Variants in GPC4 observed in about 807,000 individuals in gnomAD.
GPC4 encodes glypican-4.
In GPC4, 10 loss-of-function variants were observed where a neutral mutation model predicts 35.0. The observed-to-expected ratio is 0.29, with a 90% confidence interval of 0.18 to 0.48. The LOEUF (loss-of-function observed/expected upper bound fraction) is 0.48. Among genes scored for constraint, GPC4 ranks in the 20% least tolerant of loss-of-function variants. GPC4 has a pLI of 0.99. For missense variants in GPC4, 322 were observed against 451.3 expected (o/e 0.71, Z 2.60); for synonymous variants, 167 against 170.2 (o/e 0.98, Z 0.15).
At chrX:133,324,011 G>A (rs2124120308) in intron 3 of GPC4, 134 bp downstream of exon 3, 1 of 582,321 alleles carries the variant, frequency 1.7e-6, no homozygotes, top group Non-Finnish European at 2.6e-6. Context: ...GGAGAGAAGA[G>A]GTAAGAGAGG....
At chrX:133,404,932 A>G (rs1251557135) in intron 1 of GPC4, among the ~76,000 whole-genome samples, 2 of 109,558 alleles carry the variant, frequency 1.8e-5, no homozygotes, top group African/African-American at 3.3e-5. Context: ...AATTAATAAT[A>G]TACAATTTTT....
chrX:133,365,716 A>G (rs1384369968), intron 1 of GPC4, among the ~76,000 whole-genome samples: 1 of 112,575 alleles, frequency 8.9e-6, no homozygotes, highest in Non-Finnish European at 1.9e-5. Context: ...TATTAAAGAT[A>G]TAAAAGTTAG....
chrX:133,348,299 T>C (rs1179127045), intron 1 of GPC4, among the ~76,000 whole-genome samples: 3 of 112,572 alleles, frequency 2.7e-5, no homozygotes, highest in Non-Finnish European at 5.6e-5. Context: ...ATGCACACTT[T>C]GACCTTGTGT....
intron 1 of GPC4, among the ~76,000 whole-genome samples, chrX:133,347,250 T>TTTG (rs1222492218): frequency 0.021 from 1,585 of 75,606 alleles, 36 homozygotes; most frequent in Non-Finnish European, 0.03. Context: ...TATTAGAAGT[T>TTTG]TTTTTTTTTT....
At chrX:133,336,814 A>G (rs982069866) in intron 2 of GPC4, among the ~76,000 whole-genome samples, 1 of 108,755 alleles carries the variant, frequency 9.2e-6, no homozygotes, top group Admixed American at 9.9e-5. Context: ...ATGTTATATT[A>G]TATTATTTTA....
At chrX:133,365,135 G>GT (rs2068584527) in intron 1 of GPC4, among the ~76,000 whole-genome samples, 2 of 110,927 alleles carry the variant, frequency 1.8e-5, no homozygotes, top group Non-Finnish European at 3.8e-5. Context: ...AGCCAAGTAA[G>GT]TTTTTTTTGT....
At chrX:133,394,194 C>T (rs1470848439) in intron 1 of GPC4, among the ~76,000 whole-genome samples, 2 of 109,675 alleles carry the variant, frequency 1.8e-5, no homozygotes, top group African/African-American at 6.6e-5. Flanking sequence ...TCGCTTGAAT[C>T]GGGAGGTGGA....
At chrX:133,316,750 A>G (rs921095589) in intron 3 of GPC4, among the ~76,000 whole-genome samples, 4 of 111,805 alleles carry the variant, frequency 3.6e-5, no homozygotes, top group Non-Finnish European at 7.5e-5. Context: ...GAAAAATGAT[A>G]TGAATATATG....
chrX:133,330,725 A>G (rs1381787789), intron 2 of GPC4, among the ~76,000 whole-genome samples: 3 of 110,346 alleles, frequency 2.7e-5, no homozygotes, highest in African/African-American at 9.9e-5. Flanking sequence ...AGGCGGGAGG[A>G]CTGCTTGAAG....
At chrX:133,378,370 A>T (rs1363740561) in intron 1 of GPC4, among the ~76,000 whole-genome samples, 1 of 109,969 alleles carries the variant, frequency 9.1e-6, no homozygotes, top group Non-Finnish European at 1.9e-5. Context: ...GATCAAGACC[A>T]TCCTGGCTAA....
chrX:133,387,819 G>A (rs1356722622), intron 1 of GPC4, among the ~76,000 whole-genome samples: 1 of 111,709 alleles, frequency 9.0e-6, no homozygotes, highest in African/African-American at 3.3e-5. Flanking sequence ...CCTAACTCTA[G>A]TGCAGCACCG....
intron 1 of GPC4, among the ~76,000 whole-genome samples, chrX:133,404,715 C>T (rs1376725978): frequency 9.2e-6 from 1 of 108,291 alleles, no homozygotes; most frequent in Non-Finnish European, 1.9e-5. Context: ...ATTAGCTGGA[C>T]GTGGTGGTGC....
intron 1 of GPC4, among the ~76,000 whole-genome samples, chrX:133,356,284 G>A (rs1230620232): frequency 4.5e-5 from 5 of 111,089 alleles, no homozygotes; most frequent in South Asian, 3.9e-4. Context: ...TTGCTCTGTC[G>A]CCCAGACTGG....
chrX:133,326,145 G>A (rs2068392543), intron 2 of GPC4, among the ~76,000 whole-genome samples: 1 of 110,240 alleles, frequency 9.1e-6, no homozygotes, highest in Non-Finnish European at 1.9e-5. Flanking sequence ...CCTCTGCATA[G>A]TAAACAAATA....
Position 133,304,770 on chromosome X carries a change from C to A in GPC4, c.1247G>T (p.Gly416Val). 8.3e-7 allele frequency: 1 copy of A among 1,211,813 alleles called. No homozygotes were observed. Among genetic ancestry groups the A allele is most frequent in the South Asian group, 1.8e-5 (1 of 56,994 alleles). Residue 416 changes from glycine to valine, a missense_variant, in exon 7 of 9, where the codon GGA (glycine) becomes GTA (valine). Transcript: ENST00000370828. ...CCAACAGTCATCCTCATTGCCGTTT[C>A]CTGCAGCCATCCTCTCATCGTTGCA... ...NVCNDERMAA[G>V]NGNEDDCWNG...
chrX:133,335,355 T>C (rs1336538930), intron 2 of GPC4, among the ~76,000 whole-genome samples: 2 of 111,454 alleles, frequency 1.8e-5, no homozygotes, highest in African/African-American at 6.5e-5. Flanking sequence ...GAGGCCAGTC[T>C]TTAAACTCAG....
intron 1 of GPC4, among the ~76,000 whole-genome samples, chrX:133,364,281 C>T (rs2068580975): frequency 8.9e-6 from 1 of 112,009 alleles, no homozygotes; most frequent in South Asian, 3.7e-4. Flanking sequence ...TTTCAATTCT[C>T]TTGGGTTTAT....
At chrX:133,333,113 A>G (rs2068428352) in intron 2 of GPC4, among the ~76,000 whole-genome samples, 1 of 112,248 alleles carries the variant, frequency 8.9e-6, no homozygotes, top group African/African-American at 3.2e-5. Context: ...CTCTCAATCA[A>G]TCGGTTGGAG....
intron 2 of GPC4, among the ~76,000 whole-genome samples, chrX:133,328,962 T>C (rs966909871): frequency 1.8e-5 from 2 of 112,089 alleles, no homozygotes; most frequent in African/African-American, 6.5e-5. Context: ...GTGTCTGTGA[T>C]CAGCGTTTAT....
Sources: gnomAD v4.1 joint callset for allele counts (sites outside exome capture counted in the v4.1 genomes callset) on GRCh38, gnomAD v4.1.1 for gene constraint, MANE v1.5 for transcripts, NCBI Gene and HGNC (gene_info 2026-07-23, HGNC 2026-07-21) for gene names.